The following NSUN7 variants were observed in gnomAD, a reference collection of about 807,000 sequenced individuals.
NSUN7 encodes the protein protein NSUN7.
NSUN7 carries 39 observed loss-of-function variants against 58.5 expected under a neutral mutation model. That is an observed-to-expected ratio of 0.67 (90% CI 0.52 to 0.87). The LOEUF (loss-of-function observed/expected upper bound fraction) is 0.87, where lower values mean the gene tolerates loss of function less well. Among genes scored for constraint, NSUN7 ranks in the 40% least tolerant of loss-of-function variants. The pLI, the probability that NSUN7 is intolerant of heterozygous loss-of-function variation, is 0.00. For synonymous variants in NSUN7, 278 were observed against 303.7 expected, an observed-to-expected ratio of 0.92 and a Z score of 0.88; for missense variants, 765 against 844.1, an observed-to-expected ratio of 0.91 and a Z score of 1.16.
In NSUN7 at chr4:40,798,957, G is replaced by A. The variant is rs201231607; in HGVS notation, c.1400+53G>A. On this transcript the variant is annotated intron_variant, in intron 10 of 11. Transcript: ENST00000381782. ...AACTCAAACAAATATTTTTTAAAAG[G>A]AAAAATATTATTTTCTAAGTTGTAT... 3.5e-6 allele frequency: 3 copies of A among 868,294 alleles called. No individual in the cohort carries two copies. The African/African-American group carries it at 5.3e-5, about 15-fold the overall frequency. The allele number at this position is 868,294 out of a possible 1,614,324, so 53.8% of individuals were successfully genotyped here. A position where few individuals can be genotyped will look rare whatever the true frequency, so the allele number is the denominator to read the frequency against.
At chr4:40,780,285 T>A (rs1742466551) in intron 7 of NSUN7, among the ~76,000 whole-genome samples, 1 of 151,600 alleles carries the variant, frequency 6.6e-6, no homozygotes, top group Non-Finnish European at 1.5e-5. Context: ...GTCTCATAAA[T>A]CAATCAATCA....
chr4:40,787,220 A>G (rs1300319746), intron 7 of NSUN7, among the ~76,000 whole-genome samples: 1 of 152,094 alleles, frequency 6.6e-6, no homozygotes, highest in Admixed American at 6.5e-5. Flanking sequence ...GGAAAACCAG[A>G]GACCTTTGTT....
In NSUN7 at chr4:40,808,508, G is replaced by C; in HGVS notation, c.1726G>C (p.Ala576Pro). 4 of 1,554,920 alleles carry C rather than the reference G, an allele frequency of 2.6e-6. No homozygotes were observed. The South Asian group carries it at 4.7e-5, about 18-fold the overall frequency. The change falls in exon 12 of 12, where the codon GCC becomes CCC. Residue 576 changes from alanine (A) to proline (P), a missense_variant. Coordinates refer to ENST00000381782, the MANE Select transcript of NSUN7 (RefSeq NM_024677.6). ...IAEFLNRETK[A>P]SANLSETVTK... The stretch of plus-strand genomic sequence containing the variant: ...TGAGTTCCTGAATCGAGAAACTAAA[G>C]CCAGTGCTAATCTATCAGAGACTGT...
Position 40,808,907 on chromosome 4 carries a change from T to G in NSUN7, c.2125T>G (p.Ser709Ala). 1 of 1,538,042 alleles carries G rather than the reference T, an allele frequency of 6.5e-7. No individual in the cohort carries two copies. Among genetic ancestry groups the G allele is most frequent in the Non-Finnish European group, 8.7e-7 (1 of 1,143,778 alleles). ...EEKPKDDTPS[S>A]LLRPPRRWL Reference sequence around the variant, plus strand: ...AAAGCCTAAAGATGACACACCTTCCTCCCTACTCAGGCCTCCTCGGCGATG... The same window carrying G: ...AAAGCCTAAAGATGACACACCTTCCGCCCTACTCAGGCCTCCTCGGCGATG... Residue 709 changes from serine (S) to alanine (A), a missense_variant, in exon 12 of 12, where the codon TCC (serine) becomes GCC (alanine). Transcript: ENST00000381782.
intron 4 of NSUN7, among the ~76,000 whole-genome samples, chr4:40,770,772 G>A (rs1322974825): frequency 6.6e-6 from 1 of 152,188 alleles, no homozygotes; most frequent in Non-Finnish European, 1.5e-5. Context: ...AACTGAGGTG[G>A]CTGGGCACGG....
Position 40,750,593 on chromosome 4 carries a change from C to G in NSUN7, c.-91-10C>G, listed in dbSNP as rs1347136996. 20 of 1,397,574 alleles carry G rather than the reference C, an allele frequency of 1.4e-5. No homozygotes were observed. Among genetic ancestry groups the G allele is most frequent in the Non-Finnish European group, 1.8e-5 (18 of 1,018,340 alleles). The allele number at this position is 1,397,574 out of a possible 1,614,324, so 86.6% of individuals were successfully genotyped here. A position where few individuals can be genotyped will look rare whatever the true frequency, so the allele number is the denominator to read the frequency against. On this transcript the variant is annotated splice_polypyrimidine_tract_variant and intron_variant, in intron 1 of 11. Transcript: ENST00000381782. ...GAGTGATTTACTGCAATCACCTTCT[C>G]TCTTCACAGAGACCATGCTGCAGAT...
chr4:40,793,003 T>A (rs1045418504), intron 8 of NSUN7, among the ~76,000 whole-genome samples: 26 of 152,182 alleles, frequency 1.7e-4, no homozygotes, highest in Admixed American at 3.3e-4. Context: ...TTAGAACCAT[T>A]GAGAAATATA....
rs1236569079 is a variant in NSUN7 at position 40,808,446 on chromosome 4, G to GTGC, written c.1665_1667dup (p.Ala556dup). On this transcript the variant is annotated inframe_insertion, in exon 12 of 12. Transcript: ENST00000381782. ...AAATCAAAAACATCATTGACAAAAGGTGCCACTACTGATAATGGCATCCAA... is the reference window on the plus strand; with the variant it reads ...AAATCAAAAACATCATTGACAAAAGGTGCTGCCACTACTGATAATGGCATCCAA... 6.2e-7 allele frequency: 1 copy of GTGC among 1,604,966 alleles called. No homozygotes were observed. Among genetic ancestry groups the GTGC allele is most frequent in the South Asian group, 1.1e-5 (1 of 90,180 alleles).
At chr4:40,787,347 A>T (rs1221546430) in intron 7 of NSUN7, among the ~76,000 whole-genome samples, 1 of 147,036 alleles carries the variant, frequency 6.8e-6, no homozygotes, top group Non-Finnish European at 1.5e-5. Context: ...ATAAAAAAAT[A>T]AAAAAAGTGA....
At chr4:40,790,283 A>G (rs1743020216) in intron 7 of NSUN7, among the ~76,000 whole-genome samples, 1 of 152,198 alleles carries the variant, frequency 6.6e-6, no homozygotes, top group Non-Finnish European at 1.5e-5. Context: ...GCTAGTAAAC[A>G]GTGAAGCTGG....
At chr4:40,763,427 G>A (rs1741553236) in intron 4 of NSUN7, among the ~76,000 whole-genome samples, 1 of 152,082 alleles carries the variant, frequency 6.6e-6, no homozygotes, top group African/African-American at 2.4e-5. Context: ...TATGGGACAG[G>A]CTCCGAGTTT....
Position 40,750,828 on chromosome 4 carries a change from C to G in NSUN7, c.135C>G (p.Ser45=). The change falls in exon 2 of 12, where the codon TCC becomes TCG. Residue 45 remains serine (S), a synonymous_variant. Coordinates refer to ENST00000381782, the MANE Select transcript of NSUN7 (RefSeq NM_024677.6). ...CCGAAAAAACGGGCTATCCGGACTC[C>G]GTTTATGTCATGGCAGCCAACATTT... ...GVPEKTGYPD[S]VYVMAANIFQ... 3 of 1,614,150 alleles carry G rather than the reference C, an allele frequency of 1.9e-6. No homozygotes were observed. Among genetic ancestry groups the G allele is most frequent in the Non-Finnish European group, 2.5e-6 (3 of 1,180,036 alleles).
Position 40,808,535 on chromosome 4 carries a change from A to G in NSUN7, c.1753A>G (p.Thr585Ala). ...KASANLSETV[T>A]KPPLPQKNTA... Reference sequence around the variant, plus strand: ...CAGTGCTAATCTATCAGAGACTGTAACAAAACCACCTCTTCCCCAGAAAAA... The same window carrying G: ...CAGTGCTAATCTATCAGAGACTGTAGCAAAACCACCTCTTCCCCAGAAAAA... The change falls in exon 12 of 12, where the codon ACA becomes GCA. Residue 585 changes from threonine (T) to alanine (A), a missense_variant. Physicochemically the swap from Thr to Ala is moderately conservative, Grantham distance 58. Coordinates refer to ENST00000381782, the MANE Select transcript of NSUN7 (RefSeq NM_024677.6). The G allele has an allele frequency of 6.4e-7, 1 of 1,552,116 alleles. No homozygotes were observed. Among genetic ancestry groups the G allele is most frequent in the Non-Finnish European group, 8.7e-7 (1 of 1,147,100 alleles).
intron 7 of NSUN7, among the ~76,000 whole-genome samples, chr4:40,790,357 A>G (rs937943638): frequency 1.4e-4 from 21 of 152,220 alleles, no homozygotes; most frequent in African/African-American, 5.1e-4. Context: ...CCTGCAGTTC[A>G]GAATGAGAAT....
chr4:40,806,390 A>G (rs1012971227), intron 10 of NSUN7, among the ~76,000 whole-genome samples: 5 of 152,200 alleles, frequency 3.3e-5, no homozygotes, highest in Non-Finnish European at 5.9e-5. Context: ...TTTTAATAAT[A>G]TAAGCCTGGA....
At chr4:40,774,077 C>G (rs781006640) in intron 4 of NSUN7, among the ~76,000 whole-genome samples, 188 bp from the exon 5 acceptor site, 2 of 152,190 alleles carry the variant, frequency 1.3e-5, no homozygotes, top group Non-Finnish European at 2.9e-5. Context: ...GGATTACAGG[C>G]ATGAGCCGCT....
At chr4:40,759,089 C>A (rs1231710230) in intron 2 of NSUN7, among the ~76,000 whole-genome samples, 1 of 152,134 alleles carries the variant, frequency 6.6e-6, no homozygotes, top group African/African-American at 2.4e-5. Context: ...GTGGGCAGAT[C>A]ACCTGAGGTC....
intron 2 of NSUN7, among the ~76,000 whole-genome samples, chr4:40,758,340 G>A (rs1010989737): frequency 1.3e-5 from 2 of 152,162 alleles, no homozygotes; most frequent in African/African-American, 4.8e-5. Flanking sequence ...GTATGAAGTA[G>A]ATGGGAATTG....
In NSUN7 at chr4:40,807,049, T is replaced by G. The variant is rs529887847; in HGVS notation, c.1401-12T>G. On this transcript the variant is annotated splice_polypyrimidine_tract_variant and intron_variant, in intron 10 of 11. Transcript: ENST00000381782. ...ATTCTAACTGCTGAATGCTTGTTCCTGTCTGCTGCAGGCTTAGTCCTCCTG... is the reference window on the plus strand; with the variant it reads ...ATTCTAACTGCTGAATGCTTGTTCCGGTCTGCTGCAGGCTTAGTCCTCCTG... The G allele has an allele frequency of 3.4e-5, 52 of 1,550,412 alleles. No homozygotes were observed. The Middle Eastern group carries it at 6.7e-4, about 20-fold the overall frequency.
Sources: allele counts gnomAD v4.1 joint callset (sites outside exome capture counted in the v4.1 genomes callset), GRCh38; gene constraint gnomAD v4.1.1; transcripts MANE v1.5; gene names NCBI Gene and HGNC (gene_info 2026-07-23, HGNC 2026-07-21).